Variants in FARP1 observed in about 807,000 individuals in gnomAD.
The protein encoded by FARP1 is FERM, ARHGEF and pleckstrin domain-containing protein 1.
Under a neutral mutation model 128.8 loss-of-function variants are expected in FARP1, and 52 were observed. The observed-to-expected ratio is 0.40, with a 90% CI of 0.32 to 0.51. The LOEUF (loss-of-function observed/expected upper bound fraction) is 0.51, where lower values mean the gene tolerates loss of function less well. Ranked by LOEUF, FARP1 falls within the 20% of genes least tolerant of loss-of-function variation. FARP1 has a pLI of 0.45. For missense variants in FARP1, 1,333 were observed against 1,367.9 expected, an observed-to-expected ratio of 0.97 and a Z score of 0.40; for synonymous variants, 580 against 551.8, an observed-to-expected ratio of 1.05 and a Z score of -0.72.
intron 1 of FARP1, among the ~76,000 whole-genome samples, chr13:98,168,014 T>C (rs547549961): frequency 1.3e-5 from 2 of 151,676 alleles, no homozygotes; most frequent in South Asian, 4.2e-4. Context: ...CTACTAAAAA[T>C]AGAAAAAATT....
At chr13:98,198,457 G>A (rs1160721399) in intron 1 of FARP1, among the ~76,000 whole-genome samples, 1 of 152,192 alleles carries the variant, frequency 6.6e-6, no homozygotes, top group Non-Finnish European at 1.5e-5. Flanking sequence ...TGGAGGCCAG[G>A]CGCGGTGGCT....
intron 2 of FARP1, among the ~76,000 whole-genome samples, chr13:98,304,191 A>G (rs1429287563): frequency 6.6e-6 from 1 of 152,206 alleles, no homozygotes; most frequent in African/African-American, 2.4e-5. Context: ...CCCCTCCAGC[A>G]GAAGGGTCTG....
chr13:98,199,922 G>C (rs1333270371), intron 1 of FARP1, among the ~76,000 whole-genome samples: 1 of 152,154 alleles, frequency 6.6e-6, no homozygotes, highest in Non-Finnish European at 1.5e-5. Flanking sequence ...GGAATGATTG[G>C]AGATTTTTTT....
intron 2 of FARP1, among the ~76,000 whole-genome samples, chr13:98,308,509 G>A (rs1214326948): frequency 1.3e-5 from 2 of 152,160 alleles, no homozygotes; most frequent in Admixed American, 6.5e-5. Context: ...ACAGCCTGAC[G>A]AGCCACATGC....
intron 2 of FARP1, among the ~76,000 whole-genome samples, chr13:98,342,790 T>C (rs910688393): frequency 3.9e-5 from 6 of 151,960 alleles, no homozygotes; most frequent in African/African-American, 1.2e-4. Context: ...TTTGGGAGGC[T>C]GAGGGAGGTG....
intron 1 of FARP1, among the ~76,000 whole-genome samples, chr13:98,180,182 G>C (rs1878406859): frequency 6.6e-6 from 1 of 152,134 alleles, no homozygotes; most frequent in Non-Finnish European, 1.5e-5. Flanking sequence ...GCATGGCGTT[G>C]GTATCTGCTT....
intron 2 of FARP1, among the ~76,000 whole-genome samples, chr13:98,268,462 T>C (rs1332583209): frequency 6.6e-6 from 1 of 152,096 alleles, no homozygotes; most frequent in African/African-American, 2.4e-5. Flanking sequence ...AAAGATTCTG[T>C]TTCTCCCTTC....
At chr13:98,147,740 T>C (rs1276306147) in intron 1 of FARP1, among the ~76,000 whole-genome samples, 1 of 152,142 alleles carries the variant, frequency 6.6e-6, no homozygotes, top group East Asian at 1.9e-4. Flanking sequence ...CATTGCAGCC[T>C]TGACCTCTTG....
At chr13:98,399,072 CT>C (rs545273960) in intron 13 of FARP1, 86 of 152,244 alleles carry the variant, frequency 5.6e-4, no homozygotes, top group African/African-American at 2.0e-3. Context: ...GAGTTTTTCC[CT>C]CACTGGCTTT....
chr13:98,356,670 G>T (rs915225667), intron 3 of FARP1, among the ~76,000 whole-genome samples: 12 of 122,658 alleles, frequency 9.8e-5, no homozygotes, highest in Non-Finnish European at 2.1e-4. Context: ...AGACAGCCTC[G>T]CTCTGTTGCC....
In FARP1 at chr13:98,258,718, A is replaced by G. The variant is rs188479227; in HGVS notation, c.171+45305A>G. Among the ~76,000 whole-genome samples, 53 of 152,180 alleles carry G rather than the reference A, an allele frequency of 3.5e-4. 1 individual carries two copies. In the East Asian group the frequency reaches 7.9e-3, roughly 23 times the overall value. ...TGGGGAAAAAAAAAAGCCAAGGTCAATTGTTCACTGTTTTCTGAGGCTCTT... is the reference window on the plus strand; with the variant it reads ...TGGGGAAAAAAAAAAGCCAAGGTCAGTTGTTCACTGTTTTCTGAGGCTCTT... On this transcript the variant is annotated intron_variant, in intron 2 of 26. Coordinates refer to ENST00000319562, the MANE Select transcript of FARP1 (RefSeq NM_005766.4).
At chr13:98,185,442 G>C (rs1878797848) in intron 1 of FARP1, among the ~76,000 whole-genome samples, 1 of 152,092 alleles carries the variant, frequency 6.6e-6, no homozygotes, top group Non-Finnish European at 1.5e-5. Context: ...TGTTGGGGGG[G>C]CTTCCTTTTC....
At chr13:98,253,548 G>C (rs1226950595) in intron 2 of FARP1, among the ~76,000 whole-genome samples, 3 of 152,208 alleles carry the variant, frequency 2.0e-5, no homozygotes, top group African/African-American at 7.2e-5. Flanking sequence ...GTGAAATGAG[G>C]ATGATGGTCT....
chr13:98,448,177 CAA>C (rs1555298723), intron 26 of FARP1, 57 bp from the exon 27 acceptor site: 13 of 1,429,316 alleles, frequency 9.1e-6, no homozygotes, highest in Middle Eastern at 2.1e-4. Flanking sequence ...CGATGCCCAC[CAA>C]AGTGTCAGGA....
At chr13:98,234,859 C>T (rs761326827) in intron 2 of FARP1, among the ~76,000 whole-genome samples, 2 of 152,124 alleles carry the variant, frequency 1.3e-5, no homozygotes, top group Non-Finnish European at 2.9e-5. Flanking sequence ...CACATAGGAC[C>T]GAAAGACTCT....
In FARP1 at chr13:98,213,308, C is replaced by A; in HGVS notation, c.66C>A (p.Ile22=). Residue 22 remains isoleucine (I), a synonymous_variant, in exon 2 of 27, where the codon ATC becomes ATA. Coordinates refer to ENST00000319562, the MANE Select transcript of FARP1 (RefSeq NM_005766.4). The stretch of plus-strand genomic sequence containing the variant: ...TGGGGGCCCCGGAAAATTCGGGGAT[C>A]AGTACCTTGGAACGTGGACAGAAGC... ...SRLGAPENSG[I]STLERGQKPP... is the part of the protein sequence containing the mutation. 1 of 1,614,168 alleles carries A rather than the reference C, an allele frequency of 6.2e-7. No homozygotes were observed. The highest frequency in any genetic ancestry group is 8.5e-7 in the Non-Finnish European group (1 of 1,180,012).
chr13:98,189,073 G>A (rs1321094677), intron 1 of FARP1, among the ~76,000 whole-genome samples: 2 of 152,128 alleles, frequency 1.3e-5, no homozygotes, highest in Non-Finnish European at 2.9e-5. Flanking sequence ...CACTTCCCAT[G>A]ATGTCCCCAG....
In FARP1 at chr13:98,213,357, C is replaced by G; in HGVS notation, c.115C>G (p.Leu39Val). Residue 39 changes from leucine to valine, a missense_variant, in exon 2 of 27, where the codon CTC (leucine) becomes GTC (valine). Physicochemically the swap from Leu to Val is conservative, Grantham distance 32. This residue lies in a region of FARP1 where 324 missense variants were observed against 398.1 expected (regional missense o/e 0.81). Transcript: ENST00000319562. ...QKPPPTPSGK[L>V]VSIKIQMLDD... ...GCCGCCCCCAACACCTTCAGGAAAA[C>G]TCGTGTCCATCAAAATCCAGATGCT... 1 of 1,614,152 alleles carries G rather than the reference C, an allele frequency of 6.2e-7. No individual in the cohort carries two copies. The highest frequency in any genetic ancestry group is 8.5e-7 in the Non-Finnish European group (1 of 1,180,028).
chr13:98,384,255 C>T (rs187493540), intron 6 of FARP1: 78 of 158,386 alleles, frequency 4.9e-4, no homozygotes, highest in Middle Eastern at 6.6e-3. Context: ...TGCAGTGGCA[C>T]GATCTTGGCT....
Sources: allele counts gnomAD v4.1 joint callset (sites outside exome capture counted in the v4.1 genomes callset), GRCh38; gene constraint gnomAD v4.1.1; regional missense constraint gnomAD v4.1.1; transcripts MANE v1.5; gene names NCBI Gene and HGNC (gene_info 2026-07-23, HGNC 2026-07-21).